CFAP251: variants seen among roughly 807,000 people sequenced by gnomAD.
The protein encoded by CFAP251 is cilia and flagella associated protein 251, also known as cilia- and flagella-associated protein 251.
CFAP251 carries 93 observed loss-of-function variants against 126.7 expected under a neutral mutation model. The ratio of observed to expected loss-of-function variants is 0.73; its 90% CI spans 0.62 to 0.87. The LOEUF is 0.87. CFAP251 is among the 40% of genes least tolerant of loss of function. The pLI, the probability that CFAP251 is intolerant of heterozygous loss-of-function variation, is 0.00. For synonymous variants in CFAP251, 503 were observed against 506.9 expected (o/e 0.99, Z 0.10); for missense variants, 1,287 against 1,389.2 (o/e 0.93, Z 1.17).
chr12:121,992,293 C>G, intron 19 of CFAP251: 1 of 985,430 alleles, frequency 1.0e-6, no homozygotes, highest in Non-Finnish European at 1.2e-6. Context: ...CGAACACTTG[C>G]GAAGTCGGCT....
At chr12:121,988,450 A>G (rs1212625464) in intron 19 of CFAP251, among the ~76,000 whole-genome samples, 6 of 152,186 alleles carry the variant, frequency 3.9e-5, no homozygotes, top group African/African-American at 1.4e-4. Flanking sequence ...CTATCTTGGC[A>G]TTTCATATAA....
At chr12:121,921,049 A>G (rs981403669) in intron 1 of CFAP251, among the ~76,000 whole-genome samples, 1 of 151,486 alleles carries the variant, frequency 6.6e-6, no homozygotes, top group Non-Finnish European at 1.5e-5. Flanking sequence ...GGGTTTCATC[A>G]TGTTGGCCAG....
At chr12:121,942,192 A>C (rs529334555) in intron 5 of CFAP251, among the ~76,000 whole-genome samples, 1 of 151,982 alleles carries the variant, frequency 6.6e-6, no homozygotes, top group Non-Finnish European at 1.5e-5. Context: ...CATCATCTCT[A>C]TCCAGTTCCA....
intron 7 of CFAP251, among the ~76,000 whole-genome samples, chr12:121,944,315 C>A (rs1881236761): frequency 6.6e-6 from 1 of 152,170 alleles, no homozygotes; most frequent in Non-Finnish European, 1.5e-5. Flanking sequence ...CCCCAACATT[C>A]CTCTTGCTCC....
intron 15 of CFAP251, among the ~76,000 whole-genome samples, chr12:121,965,211 A>G (rs550957004): frequency 1.9e-4 from 29 of 152,380 alleles, no homozygotes; most frequent in Middle Eastern, 3.4e-3. Context: ...GCTCACTAGT[A>G]TGTCAAAGAT....
At chr12:121,958,901 G>A (rs780677362) in intron 12 of CFAP251, 42 bp from the exon 13 acceptor site, 2 of 1,542,888 alleles carry the variant, frequency 1.3e-6, no homozygotes, top group South Asian at 1.3e-5. Context: ...TCTCTTGAAT[G>A]AATGTAATCC....
At chr12:121,923,547 A>T in intron 2 of CFAP251, 75 bp from the exon 3 acceptor site, 1 of 1,511,370 alleles carries the variant, frequency 6.6e-7, no homozygotes, top group Non-Finnish European at 8.8e-7. Context: ...AGACTGGCTG[A>T]CTGGGAATAG....
intron 3 of CFAP251, among the ~76,000 whole-genome samples, chr12:121,930,891 G>A (rs1880657844): frequency 6.6e-6 from 1 of 151,926 alleles, no homozygotes; most frequent in Non-Finnish European, 1.5e-5. Context: ...TGGGAGTAAA[G>A]GTGCGTGCCA....
chr12:121,968,254 G>T lies in CFAP251; in HGVS notation c.2771+85G>T. ...TGATAGACACTGAACCCTACTGCGT[G>T]CCAGGCACTGTGCTAGGATGTCACA... On this transcript the variant is annotated intron_variant, in intron 17 of 21. Transcript: ENST00000288912. The T allele has an allele frequency of 2.2e-6, 3 of 1,371,752 alleles. No homozygotes were observed. The South Asian group carries it at 4.3e-5, about 20-fold the overall frequency. 85.0% of individuals were successfully genotyped at this position (1,371,752 alleles called of 1,614,324 possible). A position where few individuals can be genotyped will look rare whatever the true frequency, so the allele number is the denominator to read the frequency against.
intron 3 of CFAP251, among the ~76,000 whole-genome samples, chr12:121,925,547 C>T (rs1348265333): frequency 2.0e-5 from 3 of 152,200 alleles, no homozygotes; most frequent in Admixed American, 6.5e-5. Flanking sequence ...ATATGGGCTT[C>T]ATTTGAGCCC....
At chr12:121,980,581 C>T (rs1021777070) in intron 19 of CFAP251, among the ~76,000 whole-genome samples, 3 of 152,038 alleles carry the variant, frequency 2.0e-5, no homozygotes, top group African/African-American at 4.8e-5. Context: ...CTCCTGAGCT[C>T]GAGCCATCCA....
rs1882410747 is a variant in CFAP251 at position 121,974,532 on chromosome 12, ACACTTCCC to A, written c.2772-699_2772-692del. Among the ~76,000 whole-genome samples, 1 of 152,036 alleles carries A rather than the reference ACACTTCCC, an allele frequency of 6.6e-6. No homozygotes were observed. Among genetic ancestry groups the A allele is most frequent in the Non-Finnish European group, 1.5e-5 (1 of 68,006 alleles). ...ATGTCCGTGTGACTCCACACTCTGG[ACACTTCCC>A]CACTTCCCCACTGTGGTCTACATGA... On this transcript the variant is annotated intron_variant, in intron 17 of 21. Transcript: ENST00000288912. The surrounding 1 kb of genome is among the most constrained non-coding windows in gnomAD (Gnocchi z 4.6).
At chr12:121,978,675 A>C (rs1362715914) in intron 19 of CFAP251, among the ~76,000 whole-genome samples, 1 of 152,132 alleles carries the variant, frequency 6.6e-6, no homozygotes, top group Non-Finnish European at 1.5e-5. Flanking sequence ...GTGCATATAC[A>C]TATGTATCGA....
chr12:121,968,812 A>G, intron 17 of CFAP251: 2 of 816,610 alleles, frequency 2.4e-6, no homozygotes, highest in Non-Finnish European at 3.0e-6. Flanking sequence ...GTAGTTTAAT[A>G]GGGGAAAAGC....
At chr12:121,931,255 C>A (rs1486524936) in intron 3 of CFAP251, among the ~76,000 whole-genome samples, 2 of 152,016 alleles carry the variant, frequency 1.3e-5, no homozygotes, top group East Asian at 3.9e-4. Context: ...ATATAATTAA[C>A]ATGCCATAAA....
At chr12:121,924,857 G>T (rs1348388239) in intron 3 of CFAP251, among the ~76,000 whole-genome samples, 12 of 152,116 alleles carry the variant, frequency 7.9e-5, no homozygotes, top group African/African-American at 2.9e-4. Context: ...GACATAGTTT[G>T]TCTGTTGCAT....
chr12:121,923,785 A>G lies in CFAP251; in HGVS notation c.542A>G (p.Glu181Gly), dbSNP rs201595243. The G allele has an allele frequency of 3.3e-5, 54 of 1,612,402 alleles. No individual in the cohort carries two copies. In the African/African-American group the frequency reaches 4.9e-4, roughly 15 times the overall value. Reference sequence around the variant, plus strand: ...TCCCCTGAAAGGCAGCCCTCAGGAGAGCTTGAGGAGAAAACCGACCGGATG... The same window carrying G: ...TCCCCTGAAAGGCAGCCCTCAGGAGGGCTTGAGGAGAAAACCGACCGGATG... ...ISSPERQPSG[E>G]LEEKTDRMPQ... The change falls in exon 3 of 22, where the codon GAG (glutamate) becomes GGG (glycine). Residue 181 changes from glutamate to glycine, a missense_variant. Transcript: ENST00000288912.
At chr12:121,993,858 C>T (rs1265137175) in intron 19 of CFAP251, among the ~76,000 whole-genome samples, 3 of 120,552 alleles carry the variant, frequency 2.5e-5, no homozygotes, top group African/African-American at 6.4e-5. Context: ...GGGGGTCAGC[C>T]CCCCCGCCCG....
At chr12:121,933,568 T>C (rs1678969) in intron 4 of CFAP251, 134,634 of 152,556 alleles carry the variant, frequency 0.88, 59,613 homozygotes, top group African/African-American at 0.96. Flanking sequence ...CAGCACAGGC[T>C]GTGGCCAAGG....
Sources: allele counts gnomAD v4.1 joint callset (sites outside exome capture counted in the v4.1 genomes callset), GRCh38; gene constraint gnomAD v4.1.1; non-coding constraint Gnocchi (gnomAD v3.1); transcripts MANE v1.5; gene names NCBI Gene and HGNC (gene_info 2026-07-23, HGNC 2026-07-21).